Variants in SLC35F4 observed in about 807,000 individuals in gnomAD.
The protein encoded by SLC35F4 is solute carrier family 35 member F4.
A neutral mutation model predicts 44.2 loss-of-function variants in SLC35F4; 24 were observed. The observed-to-expected ratio is 0.54, with a 90% confidence interval of 0.39 to 0.76. The LOEUF (loss-of-function observed/expected upper bound fraction) is 0.76. SLC35F4 is among the 30% of genes least tolerant of loss of function. The pLI, the probability that SLC35F4 is intolerant of heterozygous loss-of-function variation, is 0.00. For missense variants in SLC35F4, 562 were observed against 586.1 expected (o/e 0.96, Z 0.42); for synonymous variants, 238 against 223.6 (o/e 1.06, Z -0.57).
intron 1 of SLC35F4, among the ~76,000 whole-genome samples, chr14:57,928,060 A>G (rs1433154638): frequency 7.3e-6 from 1 of 136,562 alleles, no homozygotes; most frequent in Non-Finnish European, 1.7e-5. Flanking sequence ...CCACAGAAGA[A>G]AAAAAAAAAC....
At chr14:57,935,398 A>G (rs1355166790) in intron 1 of SLC35F4, among the ~76,000 whole-genome samples, 2 of 152,166 alleles carry the variant, frequency 1.3e-5, no homozygotes, top group Non-Finnish European at 2.9e-5. Context: ...GTTGGTGCCT[A>G]AAAAGGGTAA....
At chr14:57,940,945 G>C (rs1040711778) in intron 1 of SLC35F4, among the ~76,000 whole-genome samples, 1 of 152,152 alleles carries the variant, frequency 6.6e-6, no homozygotes, top group African/African-American at 2.4e-5. Context: ...TTAGTGTCAC[G>C]TGAAAAGATG....
chr14:57,881,837 T>C (rs913563899), intron 1 of SLC35F4, among the ~76,000 whole-genome samples: 2 of 152,212 alleles, frequency 1.3e-5, no homozygotes, highest in Non-Finnish European at 2.9e-5. Flanking sequence ...ATCAAATATA[T>C]AACGTAAATA....
intron 1 of SLC35F4, chr14:57,596,139 C>G (rs2070472562): frequency 6.6e-6 from 1 of 152,460 alleles, no homozygotes; most frequent in African/African-American, 2.4e-5. Context: ...ATAAAAATAT[C>G]TCCTGTACCT....
chr14:57,796,863 T>G (rs1042380688), intron 1 of SLC35F4, among the ~76,000 whole-genome samples: 1 of 152,168 alleles, frequency 6.6e-6, no homozygotes, highest in Non-Finnish European at 1.5e-5. Flanking sequence ...GTTAATGAAG[T>G]ATTCAGTTTC....
intron 1 of SLC35F4, among the ~76,000 whole-genome samples, chr14:57,646,943 TCTTAATC>T (rs1381257465): frequency 6.6e-6 from 1 of 152,216 alleles, no homozygotes; most frequent in Non-Finnish European, 1.5e-5. Flanking sequence ...TGAGTGAGTT[TCTTAATC>T]CTCAGTCCTA....
intron 5 of SLC35F4, among the ~76,000 whole-genome samples, chr14:57,570,315 C>T (rs1490483971): frequency 6.6e-6 from 1 of 152,136 alleles, no homozygotes; most frequent in African/African-American, 2.4e-5. Context: ...CTAGGATTGA[C>T]TGGCCATTAA....
intron 4 of SLC35F4, among the ~76,000 whole-genome samples, chr14:57,572,702 A>C (rs1339590748): frequency 6.6e-6 from 1 of 152,244 alleles, no homozygotes; most frequent in Non-Finnish European, 1.5e-5. Flanking sequence ...ATTACTCTAG[A>C]GCATTAACTG....
intron 1 of SLC35F4, among the ~76,000 whole-genome samples, chr14:57,894,197 G>C (rs967388428): frequency 6.6e-6 from 1 of 151,934 alleles, no homozygotes; most frequent in African/African-American, 2.4e-5. Flanking sequence ...TATTATTCAA[G>C]GTACTATACA....
Position 57,709,100 on chromosome 14 carries a change from G to A in SLC35F4, c.104-114976C>T, listed in dbSNP as rs138583259. ...GATGGTTAGGCCTCCAGATAACTGCGGGCAGGCCCAACTGATGGCAGGCCC... is the reference window on the plus strand; with the variant it reads ...GATGGTTAGGCCTCCAGATAACTGCAGGCAGGCCCAACTGATGGCAGGCCC... On this transcript the variant is annotated intron_variant, in intron 1 of 7. Transcript: ENST00000556826. 4.5e-4 allele frequency among the ~76,000 whole-genome samples: 69 copies of A among 152,244 alleles called. 1 individual carries two copies. The highest frequency in any genetic ancestry group is 1.2e-3 in the South Asian group (6 of 4,810).
chr14:57,739,951 C>T (rs140120437), intron 1 of SLC35F4, among the ~76,000 whole-genome samples: 3 of 152,248 alleles, frequency 2.0e-5, no homozygotes, highest in South Asian at 4.1e-4. Context: ...CCTCTGCCTG[C>T]GGGGTTCAAG....
At position 57,566,579 on chromosome 14, in the gene SLC35F4, A is replaced by AG. The variant is rs1566621308; in HGVS notation, c.1127-16dup. 4 of 1,580,012 alleles carry AG rather than the reference A, an allele frequency of 2.5e-6. No individual in the cohort carries two copies. Among genetic ancestry groups the AG allele is most frequent in the Non-Finnish European group, 3.4e-6 (4 of 1,161,668 alleles). On this transcript the variant is annotated splice_polypyrimidine_tract_variant and intron_variant, in intron 6 of 7. Transcript: ENST00000556826. ...GATGTTGAAGGCTGTAAAATAGAGG[A>AG]GGAAATGCAAGATGAAAGAGAAATA...
intron 1 of SLC35F4, among the ~76,000 whole-genome samples, chr14:57,787,783 A>C (rs183427809): frequency 1.3e-5 from 2 of 152,232 alleles, no homozygotes; most frequent in Admixed American, 6.5e-5. Flanking sequence ...CAAATCCTGG[A>C]AACACATCAA....
At chr14:57,928,662 A>G (rs79720583) in intron 1 of SLC35F4, among the ~76,000 whole-genome samples, 6,634 of 152,324 alleles carry the variant, frequency 0.044, 190 homozygotes, top group Middle Eastern at 0.082. Flanking sequence ...CCAGGTTTCA[A>G]TAGGAAATCA....
chr14:57,687,131 T>G lies in SLC35F4; in HGVS notation c.104-93007A>C, dbSNP rs561555118. Among the ~76,000 whole-genome samples the G allele has an allele frequency of 8.5e-5, 13 of 152,284 alleles. No homozygotes were observed. In the East Asian group the frequency reaches 2.5e-3, roughly 29 times the overall value. ...TGGAACCAACTTGCTGACACCTTGA[T>G]CTTGGACTTTCAGCCTCCAGAACTG... On this transcript the variant is annotated intron_variant, in intron 1 of 7. Coordinates refer to ENST00000556826, the MANE Select transcript of SLC35F4 (RefSeq NM_001306087.2).
At chr14:57,610,461 A>G (rs1475140346) in intron 1 of SLC35F4, among the ~76,000 whole-genome samples, 2 of 152,152 alleles carry the variant, frequency 1.3e-5, no homozygotes, top group African/African-American at 4.8e-5. Context: ...ATCTGGACTC[A>G]ATAATGGTGA....
intron 1 of SLC35F4, among the ~76,000 whole-genome samples, chr14:57,776,904 G>A (rs1413190640): frequency 3.9e-5 from 6 of 152,144 alleles, no homozygotes; most frequent in Non-Finnish European, 5.9e-5. Context: ...AGCAAATGCC[G>A]AGGGTCTCGT....
At chr14:57,789,151 G>C (rs1881082248) in intron 1 of SLC35F4, among the ~76,000 whole-genome samples, 1 of 152,102 alleles carries the variant, frequency 6.6e-6, no homozygotes, top group African/African-American at 2.4e-5. Context: ...ACTAAGATCA[G>C]AGCAGAACTG....
intron 1 of SLC35F4, chr14:57,630,554 T>C (rs1555363685): frequency 9.1e-7 from 1 of 1,094,792 alleles, no homozygotes. Flanking sequence ...ACATTATAAG[T>C]CTGGCTCAAG....
Sources: allele counts gnomAD v4.1 joint callset (sites outside exome capture counted in the v4.1 genomes callset), GRCh38; gene constraint gnomAD v4.1.1; transcripts MANE v1.5; gene names NCBI Gene and HGNC (gene_info 2026-07-23, HGNC 2026-07-21).